The following DAGLB variants were observed in gnomAD, a reference collection of about 807,000 sequenced individuals.
DAGLB encodes the protein diacylglycerol lipase-beta.
In DAGLB, 66 loss-of-function variants were observed where a neutral mutation model predicts 72.1. That is an observed-to-expected ratio of 0.92 (90% confidence interval 0.75 to 1.12). The LOEUF (loss-of-function observed/expected upper bound fraction) is 1.12, where lower values mean the gene tolerates loss of function less well. Ranked by LOEUF, DAGLB falls within the 50% of genes most tolerant of loss-of-function variation. The probability of loss-of-function intolerance (pLI) is 0.00; values close to 1 mark genes in which losing one functional copy is unlikely to be tolerated. For missense variants in DAGLB, 1,065 were observed against 884.9 expected (o/e 1.20, Z -2.58); for synonymous variants, 414 against 359.5 (o/e 1.15, Z -1.71).
rs141630855 is a variant in DAGLB, at chr7:6,443,554, G to C, written c.247+2399C>G. Among the ~76,000 whole-genome samples, 14 of 152,278 alleles carry C rather than the reference G, an allele frequency of 9.2e-5. No homozygotes were observed. The East Asian group carries it at 2.7e-3, about 29-fold the overall frequency. ...CTTGCTGGTCATCCCAAACCCTAAG[G>C]TCTTTTTCTCATGAAAGATGTTGCT... On this transcript the variant is annotated intron_variant, in intron 2 of 14. Transcript: ENST00000297056.
At position 6,430,576 on chromosome 7, in the gene DAGLB, C is replaced by T; in HGVS notation, c.833G>A (p.Cys278Tyr). Residue 278 changes from cysteine to tyrosine, a missense_variant, in exon 6 of 15, where the codon TGC (cysteine) becomes TAC (tyrosine). Cys to Tyr is a radical substitution (Grantham distance 194, BLOSUM62 -2). Coordinates refer to ENST00000297056, the MANE Select transcript of DAGLB (RefSeq NM_139179.4). ...EADLDAELENCHHYMQFAAAA... is the reference protein window; with the variant it reads ...EADLDAELENYHHYMQFAAAA... The stretch of plus-strand genomic sequence containing the variant: ...TGCTGCAAACTGCATGTAATGATGG[C>T]AGTTTTCTAATTCTGCATCCAGATC... 1 of 1,603,432 alleles carries T rather than the reference C, an allele frequency of 6.2e-7. No individual in the cohort carries two copies. The highest frequency in any genetic ancestry group is 8.5e-7 in the Non-Finnish European group (1 of 1,173,194).
intron 9 of DAGLB, 58 bp downstream of exon 9, chr7:6,421,669 C>A: frequency 6.5e-7 from 1 of 1,545,340 alleles, no homozygotes. Context: ...TGACCCGAGG[C>A]ACCCATCTTC....
intron 2 of DAGLB, among the ~76,000 whole-genome samples, chr7:6,443,017 CAAAAA>C (rs71008392): frequency 8.3e-6 from 1 of 120,982 alleles, no homozygotes; most frequent in African/African-American, 3.1e-5. Flanking sequence ...TCTAAAAATA[CAAAAA>C]AAAAAAAAAA....
At chr7:6,415,894 A>G (rs1783894998) in intron 11 of DAGLB, among the ~76,000 whole-genome samples, 1 of 151,882 alleles carries the variant, frequency 6.6e-6, no homozygotes, top group Non-Finnish European at 1.5e-5. Flanking sequence ...GTCTTTAAAC[A>G]TGTGCATTAT....
Position 6,447,806 on chromosome 7 carries a change from T to C in DAGLB, c.37A>G (p.Ile13Val). Residue 13 changes from isoleucine (I) to valine (V), a missense_variant, in exon 1 of 15, where the codon ATC becomes GTC. By Grantham distance (29) the Ile-to-Val change is conservative. Transcript: ENST00000297056. ...GGGAAGACCAAGTCGTCGCTGGCGATGGCCCAGCGCCGGCCGAAGAGTACC... is the reference window on the plus strand; with the variant it reads ...GGGAAGACCAAGTCGTCGCTGGCGACGGCCCAGCGCCGGCCGAAGAGTACC... ...GMVLFGRRWA[I>V]ASDDLVFPGF... 1.9e-6 allele frequency: 3 copies of C among 1,613,386 alleles called. No homozygotes were observed. The highest frequency in any genetic ancestry group is 1.7e-6 in the Non-Finnish European group (2 of 1,179,750).
chr7:6,446,502 A>G (rs1298973600), intron 1 of DAGLB, among the ~76,000 whole-genome samples: 5 of 147,762 alleles, frequency 3.4e-5, no homozygotes, highest in Non-Finnish European at 1.5e-5. Flanking sequence ...AAAAAAAAAA[A>G]AAAAAAAAGA....
chr7:6,444,272 C>T (rs1784926595), intron 2 of DAGLB, among the ~76,000 whole-genome samples: 1 of 152,080 alleles, frequency 6.6e-6, no homozygotes, highest in Non-Finnish European at 1.5e-5. Flanking sequence ...GACACTGTCT[C>T]TAACAACAAC....
In DAGLB at chr7:6,444,841, G is replaced by C. The variant is rs183433888; in HGVS notation, c.247+1112C>G. On this transcript the variant is annotated intron_variant, in intron 2 of 14. Transcript: ENST00000297056. ...GAATCACTTGAACCCGGGAGGCAGA[G>C]GTTACAGTGAGCCGAGATTGCGCCA... 6.4e-3 allele frequency among the ~76,000 whole-genome samples: 970 copies of C among 152,294 alleles called. 8 individuals are homozygous for C. Among genetic ancestry groups the C allele is most frequent in the Non-Finnish European group, 0.012 (788 of 68,018 alleles).
At chr7:6,429,756 C>T (rs570492368) in intron 6 of DAGLB, among the ~76,000 whole-genome samples, 3 of 151,808 alleles carry the variant, frequency 2.0e-5, no homozygotes, top group East Asian at 1.9e-4. Flanking sequence ...GAAAATTAGC[C>T]GGGTGTGGCC....
chr7:6,415,259 T>C (rs1783867933), intron 11 of DAGLB, among the ~76,000 whole-genome samples: 1 of 152,086 alleles, frequency 6.6e-6, no homozygotes, highest in Non-Finnish European at 1.5e-5. Flanking sequence ...CAACAATTCA[T>C]TATTCTGAAC....
Position 6,431,299 on chromosome 7 carries a change from A to G in DAGLB, c.802-692T>C, listed in dbSNP as rs574809116. 2.0e-3 allele frequency among the ~76,000 whole-genome samples: 302 copies of G among 152,160 alleles called. 1 individual carries two copies. The highest frequency in any genetic ancestry group is 2.8e-3 in the Non-Finnish European group (189 of 68,014). ...CCGTCTACGTGCAATTTTCTTTCTCAAAAACATAACAACCTGTGGCAGGAA... is the reference window on the plus strand; with the variant it reads ...CCGTCTACGTGCAATTTTCTTTCTCGAAAACATAACAACCTGTGGCAGGAA... On this transcript the variant is annotated intron_variant, in intron 5 of 14. Coordinates refer to ENST00000297056, the MANE Select transcript of DAGLB (RefSeq NM_139179.4).
rs148738107 is a variant in DAGLB at position 6,424,311 on chromosome 7, G to A, written c.1140+441C>T. Among the ~76,000 whole-genome samples the A allele has an allele frequency of 6.0e-3, 917 of 152,320 alleles. 7 individuals carry two copies. Among genetic ancestry groups the A allele is most frequent in the Non-Finnish European group, 7.4e-3 (506 of 68,020 alleles). Reference sequence around the variant, plus strand: ...CCTCACCTGGAGAACGGCAGGCCACGAGGGCCTGTGAGGATCCAAACCGGG... The same window carrying A: ...CCTCACCTGGAGAACGGCAGGCCACAAGGGCCTGTGAGGATCCAAACCGGG... On this transcript the variant is annotated intron_variant, in intron 8 of 14. Transcript: ENST00000297056.
chr7:6,422,324 G>C, intron 8 of DAGLB: 1 of 264,696 alleles, frequency 3.8e-6, no homozygotes, highest in Non-Finnish European at 7.6e-6. Flanking sequence ...AAGCAGAGAG[G>C]ACAGGCGGCG....
intron 2 of DAGLB, among the ~76,000 whole-genome samples, chr7:6,444,901 G>A (rs1451943507): frequency 3.3e-5 from 5 of 152,130 alleles, no homozygotes; most frequent in South Asian, 2.1e-4. Flanking sequence ...GTGTGACTCC[G>A]TCTCAAAAAA....
chr7:6,410,660 T>C (rs1232677522), intron 13 of DAGLB, among the ~76,000 whole-genome samples: 1 of 152,144 alleles, frequency 6.6e-6, no homozygotes, highest in African/African-American at 2.4e-5. Flanking sequence ...CCATACAGAC[T>C]GTGAGGGATA....
intron 6 of DAGLB, 23 bp downstream of exon 6, chr7:6,430,457 A>T: frequency 6.9e-7 from 1 of 1,451,878 alleles, no homozygotes. Context: ...ATGGCTATGG[A>T]GGCTCAGACT....
At chr7:6,424,866 A>T (rs762537046) in intron 7 of DAGLB, 31 bp from the exon 8 acceptor site, 1 of 1,609,082 alleles carries the variant, frequency 6.2e-7, no homozygotes, top group Non-Finnish European at 8.5e-7. Context: ...CATGGGGCCT[A>T]AACAGTGAAC....
chr7:6,433,229 T>A (rs1784546804), intron 4 of DAGLB, among the ~76,000 whole-genome samples: 1 of 152,212 alleles, frequency 6.6e-6, no homozygotes, highest in South Asian at 2.1e-4. Context: ...CTCAACTATT[T>A]TTAATCTACT....
chr7:6,434,715 T>C (rs972198736), intron 4 of DAGLB, 47 bp downstream of exon 4: 5 of 1,607,136 alleles, frequency 3.1e-6, no homozygotes, highest in Admixed American at 3.4e-5. Context: ...ATCAGAAGCA[T>C]TTACTGAAAC....
Sources: gnomAD v4.1 joint callset for allele counts (sites outside exome capture counted in the v4.1 genomes callset) on GRCh38, gnomAD v4.1.1 for gene constraint, MANE v1.5 for transcripts, NCBI Gene and HGNC (gene_info 2026-07-23, HGNC 2026-07-21) for gene names.